Variants in SGCZ observed in about 807,000 individuals in gnomAD.
The protein encoded by SGCZ is sarcoglycan zeta, also known as zeta-sarcoglycan.
A neutral mutation model predicts 41.3 loss-of-function variants in SGCZ; 40 were observed. That is an observed-to-expected ratio of 0.97 (90% confidence interval 0.75 to 1.26). SGCZ has a LOEUF of 1.26. Among genes scored for constraint, SGCZ ranks in the 50% most tolerant of loss-of-function variants. The pLI is 0.00. For missense variants in SGCZ, 552 were observed against 369.8 expected, an observed-to-expected ratio of 1.49 and a Z score of -4.04; for synonymous variants, 206 against 137.5, an observed-to-expected ratio of 1.50 and a Z score of -3.49.
At chr8:14,733,862 T>C (rs1383954757) in intron 1 of SGCZ, among the ~76,000 whole-genome samples, 1 of 152,208 alleles carries the variant, frequency 6.6e-6, no homozygotes, top group African/African-American at 2.4e-5. Context: ...TGAAACCACA[T>C]TTGTTAATCG....
chr8:14,349,413 G>A (rs1254370232), intron 2 of SGCZ, among the ~76,000 whole-genome samples: 1 of 152,056 alleles, frequency 6.6e-6, no homozygotes, highest in East Asian at 1.9e-4. Context: ...AAACTACCTA[G>A]ACAGGGTCTA....
intron 1 of SGCZ, among the ~76,000 whole-genome samples, chr8:14,617,994 G>A (rs1321977163): frequency 6.6e-6 from 1 of 151,918 alleles, no homozygotes; most frequent in African/African-American, 2.4e-5. Flanking sequence ...ATGAAGTCCA[G>A]AGACCTCTTT....
intron 1 of SGCZ, among the ~76,000 whole-genome samples, chr8:14,859,126 G>A (rs910817815): frequency 3.9e-5 from 6 of 152,128 alleles, no homozygotes; most frequent in Non-Finnish European, 8.8e-5. Context: ...CCTGAAGACA[G>A]CCATTGTGCT....
chr8:14,384,766 G>A (rs530007623), intron 2 of SGCZ, among the ~76,000 whole-genome samples: 14 of 152,222 alleles, frequency 9.2e-5, no homozygotes, highest in Non-Finnish European at 2.1e-4. Flanking sequence ...GGCCGGGCTG[G>A]TCTTGAACTC....
chr8:14,529,948 A>G (rs1004711126), intron 2 of SGCZ, among the ~76,000 whole-genome samples: 1 of 152,132 alleles, frequency 6.6e-6, no homozygotes, highest in African/African-American at 2.4e-5. Context: ...CAATTAAAGA[A>G]AAATTACTTT....
At chr8:14,278,611 G>C (rs185808788) in intron 3 of SGCZ, among the ~76,000 whole-genome samples, 74 of 152,186 alleles carry the variant, frequency 4.9e-4, no homozygotes, top group Middle Eastern at 3.4e-3. Flanking sequence ...AGATCTCATA[G>C]GCTTATATAT....
chr8:14,809,248 A>T (rs534279643), intron 1 of SGCZ, among the ~76,000 whole-genome samples: 5 of 152,170 alleles, frequency 3.3e-5, no homozygotes, highest in East Asian at 3.9e-4. Context: ...GAAGAAAAAT[A>T]AAAAAATAAA....
chr8:14,941,614 T>C (rs1563379045), intron 1 of SGCZ, among the ~76,000 whole-genome samples: 14 of 151,978 alleles, frequency 9.2e-5, no homozygotes. Flanking sequence ...AAGCATTTCC[T>C]CCAATGCTGG....
chr8:14,571,672 T>C (rs927089247), intron 1 of SGCZ, among the ~76,000 whole-genome samples: 1 of 152,208 alleles, frequency 6.6e-6, no homozygotes, highest in Non-Finnish European at 1.5e-5. Context: ...AATTCTGTCT[T>C]CTGCCTAATG....
intron 1 of SGCZ, among the ~76,000 whole-genome samples, chr8:14,651,003 T>C (rs559774035): frequency 1.2e-4 from 19 of 152,220 alleles, no homozygotes; most frequent in Admixed American, 1.1e-3. Flanking sequence ...CCAAGTCTAT[T>C]TGATAAATGC....
At chr8:14,606,511 G>A (rs1404641271) in intron 1 of SGCZ, among the ~76,000 whole-genome samples, 3 of 152,044 alleles carry the variant, frequency 2.0e-5, no homozygotes, top group Non-Finnish European at 2.9e-5. Flanking sequence ...TCCGTCTTCT[G>A]GTATCCACCT....
At chr8:15,068,747 C>T (rs545104531) in intron 1 of SGCZ, among the ~76,000 whole-genome samples, 155 of 152,196 alleles carry the variant, frequency 1.0e-3, no homozygotes, top group African/African-American at 3.6e-3. Flanking sequence ...TACATTAAGA[C>T]CATTTAAGAC....
intron 1 of SGCZ, among the ~76,000 whole-genome samples, chr8:15,228,262 A>G (rs1801838715): frequency 6.6e-6 from 1 of 152,212 alleles, no homozygotes; most frequent in Admixed American, 6.5e-5. Flanking sequence ...CAAGCCAAAA[A>G]TATGTTTAGC....
At chr8:14,949,932 T>C (rs1800576865) in intron 1 of SGCZ, among the ~76,000 whole-genome samples, 1 of 152,110 alleles carries the variant, frequency 6.6e-6, no homozygotes, top group Non-Finnish European at 1.5e-5. Flanking sequence ...ACTGCTGTTT[T>C]AAATGTAAAT....
chr8:15,082,177 C>T (rs1410288405), intron 1 of SGCZ, among the ~76,000 whole-genome samples: 2 of 151,396 alleles, frequency 1.3e-5, no homozygotes, highest in Non-Finnish European at 1.5e-5. Context: ...TGCAGTGAGC[C>T]GAGATCGTGA....
chr8:14,154,231 G>A (rs1358262850), intron 5 of SGCZ, among the ~76,000 whole-genome samples: 6 of 143,844 alleles, frequency 4.2e-5, no homozygotes, highest in East Asian at 3.9e-4. Context: ...TTAGCCAGGC[G>A]TGGTGGTGGT....
At chr8:14,705,878 T>C (rs554790836) in intron 1 of SGCZ, among the ~76,000 whole-genome samples, 135 of 152,220 alleles carry the variant, frequency 8.9e-4, no homozygotes, top group African/African-American at 3.2e-3. Flanking sequence ...CGAATCACTA[T>C]ATTTTTAGAG....
chr8:14,251,970 A>G (rs1303678126), intron 3 of SGCZ, among the ~76,000 whole-genome samples: 1 of 152,030 alleles, frequency 6.6e-6, no homozygotes, highest in Non-Finnish European at 1.5e-5. Context: ...TCGACCTCCC[A>G]AAGTGTTGGG....
intron 1 of SGCZ, among the ~76,000 whole-genome samples, chr8:14,823,055 TAAAAAAAA>T (rs34307530): frequency 2.6e-5 from 2 of 75,480 alleles, no homozygotes; most frequent in East Asian, 4.7e-4. Context: ...CCAATCCTCA[TAAAAAAAA>T]AAAAAAAAAA....
Sources: gnomAD v4.1 joint callset for allele counts (sites outside exome capture counted in the v4.1 genomes callset) on GRCh38, gnomAD v4.1.1 for gene constraint, MANE v1.5 for transcripts, NCBI Gene and HGNC (gene_info 2026-07-23, HGNC 2026-07-21) for gene names.